The following IL6ST variants were observed in gnomAD, a reference collection of about 807,000 sequenced individuals.
The protein encoded by IL6ST is interleukin 6 cytokine family signal transducer.
A neutral mutation model predicts 91.3 loss-of-function variants in IL6ST; 24 were observed. That is an observed-to-expected ratio of 0.26 (90% CI 0.19 to 0.37). The LOEUF (loss-of-function observed/expected upper bound fraction) is 0.37, where lower values mean the gene tolerates loss of function less well. IL6ST is among the 10% of genes least tolerant of loss of function. The pLI is 1.00. For synonymous variants in IL6ST, 351 were observed against 373.6 expected (o/e 0.94, Z 0.70); for missense variants, 914 against 1,078.5 (o/e 0.85, Z 2.14).
intron 8 of IL6ST, among the ~76,000 whole-genome samples, chr5:55,957,968 TAAAAC>T (rs961689214): frequency 2.0e-5 from 3 of 152,160 alleles, no homozygotes; most frequent in African/African-American, 7.2e-5. Context: ...ACAAGAATAA[TAAAAC>T]AAATTAAGAT....
Position 55,936,272 on chromosome 5 carries a change from C to A in IL6ST, c.*4810G>T, listed in dbSNP as rs544206805. The A allele has an allele frequency of 8.6e-5, 19 of 222,220 alleles. No individual in the cohort carries two copies. Among genetic ancestry groups the A allele is most frequent in the Non-Finnish European group, 1.1e-4 (12 of 111,946 alleles). 13.8% of individuals were successfully genotyped at this position (222,220 alleles called of 1,614,324 possible). On this transcript the variant is annotated 3_prime_UTR_variant, in exon 17 of 17. Coordinates refer to ENST00000381298, the MANE Select transcript of IL6ST (RefSeq NM_002184.4). ...CAAGGATGGAGACTCCAGCAGAGTG[C>A]AGGGTGGGCACAGACAGGCCACAAG...
In IL6ST at chr5:55,936,111, G is replaced by A. The variant is rs1750508412; in HGVS notation, c.*4971C>T. 4.4e-6 allele frequency: 1 copy of A among 228,456 alleles called. No individual in the cohort carries two copies. The highest frequency in any genetic ancestry group is 5.7e-5 in the Admixed American group (1 of 17,634). 14.2% of individuals were successfully genotyped at this position (228,456 alleles called of 1,614,324 possible). A position where few individuals can be genotyped will look rare whatever the true frequency, so the allele number is the denominator to read the frequency against. On this transcript the variant is annotated 3_prime_UTR_variant, in exon 17 of 17. Coordinates refer to ENST00000381298, the MANE Select transcript of IL6ST (RefSeq NM_002184.4). ...TTTTTAGACAAAATCACAATGTGAA[G>A]GCACATTAATAGTTGAGATTTTCTT...
At chr5:55,973,767 C>T (rs1266035195) in intron 3 of IL6ST, among the ~76,000 whole-genome samples, 1 of 152,176 alleles carries the variant, frequency 6.6e-6, no homozygotes, top group Non-Finnish European at 1.5e-5. Flanking sequence ...TGTGAGGCAG[C>T]AACAGGTAGC....
Position 55,951,915 on chromosome 5 carries a change from TAC to T in IL6ST, c.1699+12_1699+13del, listed in dbSNP as rs772401660. On this transcript the variant is annotated intron_variant, in intron 13 of 16. Coordinates refer to ENST00000381298, the MANE Select transcript of IL6ST (RefSeq NM_002184.4). ...AAAATAACTGATTCTTAATAACTGA[TAC>T]AGTTTTATTACCAGTTTCATTTCCA... 5 of 1,355,008 alleles carry T rather than the reference TAC, an allele frequency of 3.7e-6. No individual in the cohort carries two copies. In the South Asian group the frequency reaches 3.7e-5, roughly 10 times the overall value. 83.9% of individuals were successfully genotyped at this position (1,355,008 alleles called of 1,614,324 possible).
intron 15 of IL6ST, among the ~76,000 whole-genome samples, chr5:55,945,504 A>G (rs1751186569): frequency 6.6e-6 from 1 of 152,086 alleles, no homozygotes; most frequent in African/African-American, 2.4e-5. Context: ...CCTGAAATGG[A>G]TCATAGACTA....
rs1329369203 is a variant in IL6ST, at chr5:55,940,713, A to C, written c.*369T>G. ...TCTGATGACTATTCTAATCAAAATC[A>C]GTATAGCTGTGCTCACTAAGCATAT... On this transcript the variant is annotated 3_prime_UTR_variant, in exon 17 of 17. Transcript: ENST00000381298. 1.2e-5 allele frequency: 3 copies of C among 245,044 alleles called. No homozygotes were observed. Among genetic ancestry groups the C allele is most frequent in the Non-Finnish European group, 2.4e-5 (3 of 125,322 alleles). 15.2% of individuals were successfully genotyped at this position (245,044 alleles called of 1,614,324 possible).
intron 2 of IL6ST, among the ~76,000 whole-genome samples, chr5:55,981,315 A>G (rs1039816807): frequency 3.3e-5 from 5 of 152,188 alleles, no homozygotes; most frequent in African/African-American, 7.2e-5. Context: ...TATTATATGC[A>G]ATACAGTTAA....
intron 5 of IL6ST, among the ~76,000 whole-genome samples, chr5:55,967,583 G>A (rs1427704588): frequency 1.3e-5 from 2 of 151,918 alleles, no homozygotes; most frequent in Non-Finnish European, 2.9e-5. Context: ...GAGTGTAACA[G>A]TGGTATGTTG....
In IL6ST at chr5:55,937,823, A is replaced by C. The variant is rs1273607512; in HGVS notation, c.*3259T>G. 5.1e-6 allele frequency: 1 copy of C among 195,082 alleles called. No homozygotes were observed. Among genetic ancestry groups the C allele is most frequent in the Non-Finnish European group, 1.1e-5 (1 of 93,796 alleles). 12.1% of individuals were successfully genotyped at this position (195,082 alleles called of 1,614,324 possible). A position where few individuals can be genotyped will look rare whatever the true frequency, so the allele number is the denominator to read the frequency against. On this transcript the variant is annotated 3_prime_UTR_variant, in exon 17 of 17. Transcript: ENST00000381298. The stretch of plus-strand genomic sequence containing the variant: ...AACAAAATAAAACTTTATTGAAACA[A>C]AAGTGTATGGTTTAGGAATATGCTC...
chr5:55,954,314 A>G (rs973430766), intron 11 of IL6ST, among the ~76,000 whole-genome samples: 2 of 152,230 alleles, frequency 1.3e-5, no homozygotes, highest in African/African-American at 2.4e-5. Context: ...AAGCAGCACC[A>G]TAACACACAG....
intron 5 of IL6ST, 34 bp downstream of exon 5, chr5:55,968,242 A>T (rs1752752644): frequency 6.6e-7 from 1 of 1,521,594 alleles, no homozygotes; most frequent in African/African-American, 1.4e-5. Context: ...TAACTTTAAT[A>T]AATCTAACAT....
At chr5:55,942,594 C>G in intron 16 of IL6ST, 76 bp downstream of exon 16, 1 of 727,888 alleles carries the variant, frequency 1.4e-6, no homozygotes, top group South Asian at 1.7e-5. Context: ...CTCAATATAC[C>G]TACTAACTGT....
At chr5:55,963,283 G>A (rs1472910177) in intron 7 of IL6ST, 69 bp downstream of exon 7, 1 of 1,101,742 alleles carries the variant, frequency 9.1e-7, no homozygotes, top group East Asian at 2.5e-5. Flanking sequence ...TTTAGAAAAT[G>A]ACTGAAACTT....
intron 16 of IL6ST, 92 bp downstream of exon 16, chr5:55,942,578 T>G (rs1561152973): frequency 1.6e-6 from 1 of 621,166 alleles, no homozygotes; most frequent in African/African-American, 1.9e-5. Context: ...GGTACATTTG[T>G]AGATACTCAA....
Position 55,940,557 on chromosome 5 carries a change from AT to A in IL6ST, c.*524del. 9.3e-6 allele frequency: 2 copies of A among 213,992 alleles called. No individual in the cohort carries two copies. Among genetic ancestry groups the A allele is most frequent in the Non-Finnish European group, 1.9e-5 (2 of 105,956 alleles). The allele number at this position is 213,992 out of a possible 1,614,324, so 13.3% of individuals were successfully genotyped here. ...ACTGATATACACGAAGCTGCTCCTC[AT>A]TTTTTTGTCAGATTACAAAAGCTGG... is the stretch of plus-strand genomic sequence containing the variant. On this transcript the variant is annotated 3_prime_UTR_variant, in exon 17 of 17. Transcript: ENST00000381298.
chr5:55,957,827 G>C (rs1402495347), intron 8 of IL6ST, among the ~76,000 whole-genome samples: 1 of 150,646 alleles, frequency 6.6e-6, no homozygotes, highest in Non-Finnish European at 1.5e-5. Context: ...ATTTTTTAAA[G>C]AAAAAAACTT....
chr5:55,935,290 A>T lies in IL6ST; in HGVS notation c.*5792T>A, dbSNP rs555402618. On this transcript the variant is annotated 3_prime_UTR_variant, in exon 17 of 17. Coordinates refer to ENST00000381298, the MANE Select transcript of IL6ST (RefSeq NM_002184.4). ...ACAATTCTAGATACACTTTTTTGAC[A>T]TGTAAAATGACATAACCATAGTCAC... The T allele has an allele frequency of 5.2e-6, 1 of 191,194 alleles. No homozygotes were observed. The highest frequency in any genetic ancestry group is 8.3e-5 in the East Asian group (1 of 12,030). 11.8% of individuals were successfully genotyped at this position (191,194 alleles called of 1,614,324 possible).
intron 2 of IL6ST, among the ~76,000 whole-genome samples, chr5:55,982,390 C>T (rs1427686091): frequency 6.6e-6 from 1 of 152,002 alleles, no homozygotes; most frequent in African/African-American, 2.4e-5. Context: ...TAATAAGTTG[C>T]GTGGGGATCA....
chr5:55,990,611 G>C (rs1754265778), intron 1 of IL6ST, among the ~76,000 whole-genome samples: 1 of 152,018 alleles, frequency 6.6e-6, no homozygotes, highest in Admixed American at 6.6e-5. Flanking sequence ...TTTTGGCTTG[G>C]ATCTTTCTTT....
Sources: allele counts gnomAD v4.1 joint callset (sites outside exome capture counted in the v4.1 genomes callset), GRCh38; gene constraint gnomAD v4.1.1; transcripts MANE v1.5; gene names NCBI Gene and HGNC (gene_info 2026-07-23, HGNC 2026-07-21).